ROBO1: variants seen among roughly 807,000 people sequenced by gnomAD.
ROBO1 encodes the protein roundabout homolog 1.
Under a neutral mutation model 195.9 loss-of-function variants are expected in ROBO1, and 149 were observed. The observed-to-expected ratio is 0.76, with a 90% confidence interval of 0.67 to 0.87. The LOEUF (loss-of-function observed/expected upper bound fraction) is 0.87, where lower values mean the gene tolerates loss of function less well. Among genes scored for constraint, ROBO1 ranks in the 40% least tolerant of loss-of-function variants. ROBO1 has a pLI of 0.00. For missense variants in ROBO1, 1,933 were observed against 2,068.3 expected, an observed-to-expected ratio of 0.93 and a Z score of 1.27; for synonymous variants, 816 against 733.2, an observed-to-expected ratio of 1.11 and a Z score of -1.82.
chr3:79,456,567 C>T (rs2039626040), intron 2 of ROBO1, among the ~76,000 whole-genome samples: 1 of 152,072 alleles, frequency 6.6e-6, no homozygotes, highest in East Asian at 1.9e-4. Context: ...GAGTTGATTG[C>T]TGTACAAAGT....
intron 2 of ROBO1, among the ~76,000 whole-genome samples, chr3:79,203,191 G>A (rs923644843): frequency 6.6e-6 from 1 of 152,138 alleles, no homozygotes; most frequent in African/African-American, 2.4e-5. Context: ...TCTGGAAATC[G>A]CATCCAAGCC....
chr3:79,347,234 C>T lies in ROBO1; in HGVS notation c.89-221695G>A, dbSNP rs150610424. On this transcript the variant is annotated intron_variant, in intron 2 of 30. Coordinates refer to ENST00000464233, the MANE Select transcript of ROBO1 (RefSeq NM_002941.4). ...TTTTCTAAATATTTCCATAACATGC[C>T]TTAAATAGTATTAAAGAAAAAAAGC... Among the ~76,000 whole-genome samples, 4 of 152,054 alleles carry T rather than the reference C, an allele frequency of 2.6e-5. No homozygotes were observed. In the East Asian group the frequency reaches 7.7e-4, roughly 29 times the overall value.
intron 10 of ROBO1, among the ~76,000 whole-genome samples, chr3:78,682,018 T>G (rs1223472939): frequency 6.6e-6 from 1 of 152,094 alleles, no homozygotes; most frequent in Non-Finnish European, 1.5e-5. Flanking sequence ...AATATACACT[T>G]TATCCTGAGA....
chr3:79,530,085 T>C (rs1011586057), intron 2 of ROBO1, among the ~76,000 whole-genome samples: 2 of 152,178 alleles, frequency 1.3e-5, no homozygotes, highest in African/African-American at 4.8e-5. Flanking sequence ...ACGTTATAAT[T>C]TGCTTTAAAA....
chr3:78,661,364 C>T, intron 15 of ROBO1, 103 bp from the exon 16 acceptor site: 1 of 629,358 alleles, frequency 1.6e-6, no homozygotes, highest in South Asian at 4.1e-5. Flanking sequence ...TTCTGTCTGG[C>T]TTCATCCCAC....
At chr3:78,911,193 AC>A (rs1426006494) in intron 4 of ROBO1, among the ~76,000 whole-genome samples, 1 of 152,042 alleles carries the variant, frequency 6.6e-6, no homozygotes, top group African/African-American at 2.4e-5. Flanking sequence ...ACATGAAAGA[AC>A]CTAAAGGAAA....
intron 8 of ROBO1, chr3:78,693,185 C>T: frequency 1.1e-6 from 1 of 873,636 alleles, no homozygotes; most frequent in Non-Finnish European, 1.7e-6. Flanking sequence ...CCCATACTTC[C>T]TGCAGACTTT....
intron 8 of ROBO1, among the ~76,000 whole-genome samples, chr3:78,711,384 TTCCTTCCTTCCTTC>T (rs1559773360): frequency 1.9e-3 from 80 of 42,652 alleles, no homozygotes; most frequent in Non-Finnish European, 2.6e-3. Context: ...CCTTCCTTCC[TTCCTTCCTTCCTTC>T]CTTTCTTTCT....
chr3:79,519,891 G>C (rs1941133105), intron 2 of ROBO1, among the ~76,000 whole-genome samples: 1 of 152,026 alleles, frequency 6.6e-6, no homozygotes, highest in South Asian at 2.1e-4. Flanking sequence ...GGGCACCGTG[G>C]CTCACATCTG....
rs2081847407 is a variant in ROBO1, at chr3:78,714,437, C to G, written c.1005G>C (p.Met335Ile). ...TAGCAGATGCTTCAGCTTTGCCCAC[C>G]ATATTTTCTGCAACACAAGTGTATG... ...MGSYTCVAENMVGKAEASATL... is the reference protein window; with the variant it reads ...MGSYTCVAENIVGKAEASATL... The change falls in exon 8 of 31, where the codon ATG (methionine) becomes ATC (isoleucine). Residue 335 changes from methionine to isoleucine, a missense_variant. By Grantham distance (10) the Met-to-Ile change is conservative. Around this residue, in one of 3 missense-constraint regions of ROBO1, gnomAD observed 1,737 missense variants for 1,882.5 expected, o/e 0.92. Transcript: ENST00000464233. 6.2e-7 allele frequency: 1 copy of G among 1,613,190 alleles called. No individual in the cohort carries two copies. The highest frequency in any genetic ancestry group is 8.5e-7 in the Non-Finnish European group (1 of 1,179,472).
At chr3:78,919,243 A>T (rs1403021789) in intron 4 of ROBO1, among the ~76,000 whole-genome samples, 2 of 152,172 alleles carry the variant, frequency 1.3e-5, no homozygotes, top group East Asian at 3.9e-4. Context: ...GGGAATTCAC[A>T]CACAGACTAG....
chr3:78,782,973 G>A lies in ROBO1; in HGVS notation c.500-36073C>T, dbSNP rs777143106. Among the ~76,000 whole-genome samples the A allele has an allele frequency of 2.0e-4, 31 of 152,040 alleles. 1 individual carries two copies. Among genetic ancestry groups the A allele is most frequent in the Non-Finnish European group, 2.9e-4 (20 of 68,010 alleles). On this transcript the variant is annotated intron_variant, in intron 4 of 30. Transcript: ENST00000464233. Reference sequence around the variant, plus strand: ...AAATAGTTATTGATTTCTATGTGCTGGGCAATCATATAGGCACTGTGAAAG... The same window carrying A: ...AAATAGTTATTGATTTCTATGTGCTAGGCAATCATATAGGCACTGTGAAAG...
intron 21 of ROBO1, among the ~76,000 whole-genome samples, chr3:78,642,409 G>A (rs1256398022): frequency 6.6e-6 from 1 of 152,126 alleles, no homozygotes; most frequent in Non-Finnish European, 1.5e-5. Flanking sequence ...CAGGCTATAG[G>A]CTGTCTCCCC....
intron 2 of ROBO1, among the ~76,000 whole-genome samples, chr3:79,579,117 G>T (rs1409001723): frequency 6.6e-6 from 1 of 152,128 alleles, no homozygotes; most frequent in Non-Finnish European, 1.5e-5. Flanking sequence ...TAATTTTGAT[G>T]TGACTGGCAT....
chr3:78,837,885 A>AT (rs2032878343), intron 4 of ROBO1, among the ~76,000 whole-genome samples: 2 of 152,184 alleles, frequency 1.3e-5, no homozygotes, highest in African/African-American at 2.4e-5. Flanking sequence ...AATACATGCC[A>AT]TGTTGCATAA....
At chr3:78,677,401 C>T (rs1191738820) in intron 10 of ROBO1, among the ~76,000 whole-genome samples, 3 of 151,998 alleles carry the variant, frequency 2.0e-5, no homozygotes, top group Non-Finnish European at 2.9e-5. Flanking sequence ...GAGTCAACAC[C>T]CATCAGTGTG....
At chr3:79,226,151 T>A (rs1290588709) in intron 2 of ROBO1, among the ~76,000 whole-genome samples, 1 of 152,168 alleles carries the variant, frequency 6.6e-6, no homozygotes, top group Non-Finnish European at 1.5e-5. Flanking sequence ...GTGGGCATAG[T>A]TTTCCTGGCC....
chr3:79,661,230 A>G (rs988642146), intron 1 of ROBO1, among the ~76,000 whole-genome samples: 1 of 152,086 alleles, frequency 6.6e-6, no homozygotes, highest in African/African-American at 2.4e-5. Context: ...GATCATGCAC[A>G]TTCTTGGAGT....
chr3:79,087,547 C>A (rs2079395417), intron 3 of ROBO1, among the ~76,000 whole-genome samples: 1 of 151,616 alleles, frequency 6.6e-6, no homozygotes, highest in South Asian at 2.1e-4. Context: ...TTCTTTCCTT[C>A]CTTCTTCCTT....
Sources: allele counts gnomAD v4.1 joint callset (sites outside exome capture counted in the v4.1 genomes callset), GRCh38; gene constraint gnomAD v4.1.1; regional missense constraint gnomAD v4.1.1; transcripts MANE v1.5; gene names NCBI Gene and HGNC (gene_info 2026-07-23, HGNC 2026-07-21).